Variants in CYRIB observed in about 807,000 individuals in gnomAD.
CYRIB encodes the protein CYFIP-related Rac1 interactor B.
In CYRIB, 8 loss-of-function variants were observed where a neutral mutation model predicts 44.2. That is an observed-to-expected ratio of 0.18 (90% CI 0.11 to 0.33). The LOEUF (loss-of-function observed/expected upper bound fraction) is 0.33. Ranked by LOEUF, CYRIB falls within the 10% of genes least tolerant of loss-of-function variation. The pLI is 1.00. For synonymous variants in CYRIB, 131 were observed against 127.2 expected (o/e 1.03, Z -0.20); for missense variants, 185 against 382.8 (o/e 0.48, Z 4.31).
chr8:129,994,362 C>T (rs542336008), intron 1 of CYRIB, among the ~76,000 whole-genome samples: 2 of 152,314 alleles, frequency 1.3e-5, no homozygotes, highest in East Asian at 1.9e-4. Flanking sequence ...GTCTCCAGAA[C>T]AGCTCTCAGA....
At chr8:130,016,086 G>A (rs2097336999) in intron 1 of CYRIB, among the ~76,000 whole-genome samples, 2 of 150,128 alleles carry the variant, frequency 1.3e-5, no homozygotes, top group African/African-American at 2.4e-5. Flanking sequence ...CCCGGGCGGC[G>A]GCCCCGCTGC....
chr8:129,971,305 C>T (rs975739780), intron 1 of CYRIB, among the ~76,000 whole-genome samples: 2 of 152,078 alleles, frequency 1.3e-5, no homozygotes, highest in South Asian at 4.1e-4. Context: ...GTTGGCCAGG[C>T]TGGTCTTGAA....
chr8:129,944,545 G>A (rs536917325), upstream of CYRIB, among the ~76,000 whole-genome samples: 6 of 152,270 alleles, frequency 3.9e-5, no homozygotes, highest in South Asian at 1.2e-3. Context: ...CAGTGTGAGA[G>A]GCCGATGCAG....
At chr8:129,972,961 A>T (rs2095770289) in intron 1 of CYRIB, among the ~76,000 whole-genome samples, 1 of 152,176 alleles carries the variant, frequency 6.6e-6, no homozygotes, top group Non-Finnish European at 1.5e-5. Context: ...ATCCCTTCTC[A>T]GTCTTTCGGA....
chr8:129,943,821 G>A (rs376090845), upstream of CYRIB, among the ~76,000 whole-genome samples: 56 of 148,162 alleles, frequency 3.8e-4, no homozygotes, highest in African/African-American at 1.3e-3. Flanking sequence ...GGATGGTCTC[G>A]ATCTCCTGAC....
At chr8:129,923,894 T>C (rs557534264) in intron 1 of CYRIB, among the ~76,000 whole-genome samples, 1 of 150,034 alleles carries the variant, frequency 6.7e-6, no homozygotes, top group South Asian at 2.1e-4. Flanking sequence ...CATTCTGCTA[T>C]AGATGATAAT....
intron 2 of CYRIB, among the ~76,000 whole-genome samples, chr8:129,885,283 G>A (rs536423270): frequency 6.6e-6 from 1 of 152,296 alleles, no homozygotes; most frequent in East Asian, 1.9e-4. Flanking sequence ...TCTCAAAGGA[G>A]TTGCACCGGT....
chr8:129,908,860 G>T (rs1290156831), intron 1 of CYRIB, among the ~76,000 whole-genome samples: 1 of 151,850 alleles, frequency 6.6e-6, no homozygotes, highest in Non-Finnish European at 1.5e-5. Context: ...AAATACCAAG[G>T]CATATATGAT....
intron 1 of CYRIB, among the ~76,000 whole-genome samples, chr8:129,928,394 G>A (rs576166736): frequency 6.7e-6 from 1 of 150,242 alleles, no homozygotes; most frequent in Non-Finnish European, 1.5e-5. Context: ...TGCACATAAT[G>A]TATCTGACAA....
intron 1 of CYRIB, among the ~76,000 whole-genome samples, chr8:129,918,772 A>C (rs982865666): frequency 1.3e-5 from 2 of 152,252 alleles, no homozygotes; most frequent in African/African-American, 4.8e-5. Context: ...TGAGTGAATA[A>C]GCAAACATCA....
At chr8:129,897,507 A>T (rs2068675192) in intron 2 of CYRIB, among the ~76,000 whole-genome samples, 3 of 151,506 alleles carry the variant, frequency 2.0e-5, no homozygotes, top group Admixed American at 1.3e-4. Context: ...TTAAAACAAC[A>T]GTCAAATGAG....
rs1285005804 is a variant in CYRIB, at chr8:129,869,112, G to A, written c.195+2263C>T. Among the ~76,000 whole-genome samples the A allele has an allele frequency of 4.6e-5, 7 of 150,808 alleles. No individual in the cohort carries two copies. In the East Asian group the frequency reaches 7.8e-4, roughly 17 times the overall value. ...AAGAAGAAAGAAAAAAAGGCTGGGC[G>A]CGGTGGTTCACGCCTGTAATCCCAG... On this transcript the variant is annotated intron_variant, in intron 4 of 11. Coordinates refer to ENST00000519824, the Ensembl canonical transcript of CYRIB.
chr8:130,004,535 T>A (rs1025167680), intron 1 of CYRIB: 22 of 152,202 alleles, frequency 1.4e-4, no homozygotes, highest in Non-Finnish European at 2.9e-4. Context: ...TCTACAGGTT[T>A]TTTTGTTTCT....
rs190024168 is a variant in CYRIB, at chr8:129,926,364, A to T, written c.-50+13244T>A. 2.4e-3 allele frequency among the ~76,000 whole-genome samples: 361 copies of T among 152,312 alleles called. 5 individuals carry two copies. Among genetic ancestry groups the T allele is most frequent in the African/African-American group, 8.2e-3 (342 of 41,550 alleles). On this transcript the variant is annotated intron_variant, in intron 1 of 11. Transcript: ENST00000519824. ...TTTAAACACATTACCTTTTTCAAGC[A>T]TCAAATTTCCACTGAACTAGTGTGC...
intron 1 of CYRIB, among the ~76,000 whole-genome samples, chr8:129,991,690 C>G (rs1387863481): frequency 6.6e-6 from 1 of 152,084 alleles, no homozygotes; most frequent in East Asian, 1.9e-4. Context: ...TGGCTCATGC[C>G]TGTAATCCCA....
exon 10 of CYRIB, chr8:129,849,261 A>C: frequency 6.3e-7 from 1 of 1,598,942 alleles, no homozygotes; most frequent in Non-Finnish European, 8.5e-7. Context: ...TGGAAGTTTT[A>C]GCAAATGCTC....
chr8:129,867,119 T>C (rs2054083270), intron 4 of CYRIB, among the ~76,000 whole-genome samples: 1 of 152,156 alleles, frequency 6.6e-6, no homozygotes, highest in African/African-American at 2.4e-5. Flanking sequence ...CAAGTCTGTC[T>C]CTCTGTCTCT....
intron 2 of CYRIB, among the ~76,000 whole-genome samples, chr8:129,900,236 A>G (rs1278037606): frequency 1.3e-5 from 2 of 152,204 alleles, no homozygotes; most frequent in African/African-American, 2.4e-5. Context: ...TGACTCTGGC[A>G]GTGCAGCTTT....
intron 2 of CYRIB, among the ~76,000 whole-genome samples, chr8:129,955,176 C>T (rs1032584163): frequency 1.3e-5 from 2 of 151,420 alleles, no homozygotes; most frequent in African/African-American, 4.9e-5. Flanking sequence ...TCACTTGAAC[C>T]CAGGAGGCGG....
Sources: gnomAD v4.1 joint callset for allele counts (sites outside exome capture counted in the v4.1 genomes callset) on GRCh38, gnomAD v4.1.1 for gene constraint, MANE v1.5 for transcripts, NCBI Gene and HGNC (gene_info 2026-07-23, HGNC 2026-07-21) for gene names.